Variants in OAT observed in about 807,000 individuals in gnomAD.
OAT encodes ornithine aminotransferase, mitochondrial.
In OAT, 35 loss-of-function variants were observed where a neutral mutation model predicts 48.4. The ratio of observed to expected loss-of-function variants is 0.72; its 90% CI spans 0.55 to 0.96. The LOEUF (loss-of-function observed/expected upper bound fraction) is 0.96, where lower values mean the gene tolerates loss of function less well. Ranked by LOEUF, OAT falls within the 40% of genes least tolerant of loss-of-function variation. OAT has a pLI of 0.00. For missense variants in OAT, 438 were observed against 537.9 expected (o/e 0.81, Z 1.84); for synonymous variants, 182 against 198.4 (o/e 0.92, Z 0.70).
intron 7 of OAT, 99 bp from the exon 8 acceptor site, chr10:124,401,938 G>T: frequency 1.2e-6 from 1 of 863,122 alleles, no homozygotes; most frequent in Non-Finnish European, 1.9e-6. Flanking sequence ...CTTGAGTGCA[G>T]TGGCGTGATC....
chr10:124,406,089 T>A, intron 4 of OAT: 1 of 985,268 alleles, frequency 1.0e-6, no homozygotes, highest in Non-Finnish European at 1.2e-6. Flanking sequence ...TCCTTGATAT[T>A]ATAATCCTTT....
chr10:124,411,969 G>T lies in OAT; in HGVS notation c.199+4C>A, dbSNP rs373425479. ...GGGAAAAGACGGATTAATTTGAAAC[G>T]TACCTTTTCCTCTCTCCAGGGCTAC... On this transcript the variant is annotated splice_donor_region_variant and intron_variant, in intron 2 of 9. Transcript: ENST00000368845. The T allele has an allele frequency of 6.2e-6, 10 of 1,611,176 alleles. No individual in the cohort carries two copies. The highest frequency in any genetic ancestry group is 2.2e-5 in the South Asian group (2 of 91,038).
intron 1 of OAT, among the ~76,000 whole-genome samples, chr10:124,415,803 G>A (rs763099194): frequency 7.9e-5 from 12 of 152,130 alleles, no homozygotes; most frequent in Non-Finnish European, 1.5e-4. Flanking sequence ...TGTCACTGAG[G>A]ATGAAATGGG....
intron 6 of OAT, chr10:124,403,374 T>C (rs760874809): frequency 4.4e-6 from 2 of 454,410 alleles, no homozygotes; most frequent in Non-Finnish European, 8.0e-6. Context: ...GGGAACAAAT[T>C]AATTCATTTG....
At chr10:124,404,596 A>T (rs1472013556) in intron 5 of OAT, among the ~76,000 whole-genome samples, 1 of 151,604 alleles carries the variant, frequency 6.6e-6, no homozygotes, top group African/African-American at 2.4e-5. Flanking sequence ...CTTGATTTTT[A>T]AATTTTTTTG....
At chr10:124,401,698 G>A in intron 8 of OAT, 28 bp downstream of exon 8, 2 of 1,419,164 alleles carry the variant, frequency 1.4e-6, no homozygotes, top group Non-Finnish European at 2.0e-6. Flanking sequence ...TTAAAGAATA[G>A]ACACTGTGTG....
In OAT at chr10:124,402,985, T is replaced by G; in HGVS notation, c.842A>C (p.Glu281Ala). The G allele has an allele frequency of 1.2e-6, 2 of 1,614,136 alleles. No individual in the cohort carries two copies. The highest frequency in any genetic ancestry group is 2.2e-5 in the South Asian group (2 of 91,082). The stretch of plus-strand genomic sequence containing the variant: ...GAGGACTATATCAGGTCTGACATTT[T>G]CATAATCAACAGCCAGCCATCTACC... ...RTGRWLAVDY[E>A]NVRPDIVLLG... Residue 281 changes from glutamate to alanine, a missense_variant, in exon 7 of 10, where the codon GAA becomes GCA. Physicochemically the swap from Glu to Ala is moderately radical, Grantham distance 107 (BLOSUM62 -1). Transcript: ENST00000368845.
At position 124,402,518 on chromosome 10, in the gene OAT, T is replaced by C. The variant is rs375873932; in HGVS notation, c.900+409A>G. 1.5e-3 allele frequency among the ~76,000 whole-genome samples: 225 copies of C among 152,348 alleles called. 1 individual carries two copies. Among genetic ancestry groups the C allele is most frequent in the African/African-American group, 3.8e-3 (156 of 41,586 alleles). ...TCAGAGACCTCTGATGTAGTAACAATTACTGGCTCTGAAAGGCAAACCCAA... is the reference window on the plus strand; with the variant it reads ...TCAGAGACCTCTGATGTAGTAACAACTACTGGCTCTGAAAGGCAAACCCAA... On this transcript the variant is annotated intron_variant, in intron 7 of 9. Coordinates refer to ENST00000368845, the MANE Select transcript of OAT (RefSeq NM_000274.4).
intron 9 of OAT, among the ~76,000 whole-genome samples, chr10:124,398,584 T>C (rs1050990759): frequency 6.6e-6 from 1 of 150,416 alleles, no homozygotes; most frequent in African/African-American, 2.5e-5. Context: ...TCTTCACTTT[T>C]CAGCAAGCAC....
intron 4 of OAT, among the ~76,000 whole-genome samples, chr10:124,408,309 G>GTATA (rs1379760701): frequency 5.2e-4 from 31 of 59,268 alleles, no homozygotes; most frequent in East Asian, 2.0e-3. Context: ...GTGTGTGTGT[G>GTATA]TGTGTGTGTA....
intron 2 of OAT, among the ~76,000 whole-genome samples, 195 bp downstream of exon 2, chr10:124,411,777 CT>C (rs1327054199): frequency 6.7e-6 from 1 of 148,270 alleles, no homozygotes; most frequent in Non-Finnish European, 1.5e-5. Context: ...GATTGTGCCA[CT>C]GTACTCCAGC....
At chr10:124,417,166 G>A (rs1951943130) in intron 1 of OAT, among the ~76,000 whole-genome samples, 1 of 151,454 alleles carries the variant, frequency 6.6e-6, no homozygotes, top group African/African-American at 2.4e-5. Flanking sequence ...GCTGCTTTGA[G>A]GGAAAAATGT....
chr10:124,406,471 A>G (rs1225418769), intron 4 of OAT, among the ~76,000 whole-genome samples: 1 of 151,972 alleles, frequency 6.6e-6, no homozygotes, highest in Non-Finnish European at 1.5e-5. Flanking sequence ...GGCCTGGGTG[A>G]CAGAGCAAGA....
At chr10:124,405,827 C>G in intron 4 of OAT, 1 of 1,257,028 alleles carries the variant, frequency 8.0e-7, no homozygotes, top group Non-Finnish European at 1.0e-6. Flanking sequence ...ATATATAGCC[C>G]CTGAAGATAG....
At position 124,402,983 on chromosome 10, in the gene OAT, T is replaced by G. The variant is rs144131321; in HGVS notation, c.844A>C (p.Asn282His). The G allele has an allele frequency of 3.7e-6, 6 of 1,614,000 alleles. No homozygotes were observed. The African/African-American group carries it at 8.0e-5, about 22-fold the overall frequency. Reference protein sequence around the residue: ...TGRWLAVDYENVRPDIVLLGK... With the variant: ...TGRWLAVDYEHVRPDIVLLGK... ...AGGAGGACTATATCAGGTCTGACAT[T>G]TTCATAATCAACAGCCAGCCATCTA... The change falls in exon 7 of 10, where the codon AAT becomes CAT. Residue 282 changes from asparagine (N) to histidine (H), a missense_variant. Transcript: ENST00000368845.
chr10:124,398,152 T>C (rs775530855), intron 9 of OAT, 50 bp from the exon 10 acceptor site: 1 of 1,603,796 alleles, frequency 6.2e-7, no homozygotes, highest in Non-Finnish European at 8.5e-7. Context: ...CGTTTAAACA[T>C]CCCTTGCCGT....
At position 124,407,085 on chromosome 10, in the gene OAT, C is replaced by T. The variant is rs1334924626; in HGVS notation, c.520+1457G>A. 5 of 985,314 alleles carry T rather than the reference C, an allele frequency of 5.1e-6. No homozygotes were observed. The South Asian group carries it at 1.4e-4, about 28-fold the overall frequency. 61.0% of individuals were successfully genotyped at this position (985,314 alleles called of 1,614,324 possible). A position where few individuals can be genotyped will look rare whatever the true frequency, so the allele number is the denominator to read the frequency against. ...GGATTATCGTATTTTGGCTTCATCT[C>T]GTTTCTAAATACTATTCTTGCAAAG... On this transcript the variant is annotated intron_variant, in intron 4 of 9. Coordinates refer to ENST00000368845, the MANE Select transcript of OAT (RefSeq NM_000274.4).
At chr10:124,407,313 A>G in intron 4 of OAT, 2 of 985,464 alleles carry the variant, frequency 2.0e-6, no homozygotes, top group South Asian at 9.4e-5. Context: ...AGTTAGGGAC[A>G]GTCTTCCTCT....
intron 1 of OAT, among the ~76,000 whole-genome samples, chr10:124,416,229 A>AG (rs1951914947): frequency 6.6e-6 from 1 of 152,178 alleles, no homozygotes; most frequent in African/African-American, 2.4e-5. Context: ...AGTAAAATTC[A>AG]CTTTGCATTC....
Sources: allele counts gnomAD v4.1 joint callset (sites outside exome capture counted in the v4.1 genomes callset), GRCh38; gene constraint gnomAD v4.1.1; transcripts MANE v1.5; gene names NCBI Gene and HGNC (gene_info 2026-07-23, HGNC 2026-07-21).